Variants in CWC27 observed in about 807,000 individuals in gnomAD.
CWC27 encodes spliceosome-associated protein CWC27 homolog.
In CWC27, 47 loss-of-function variants were observed where a neutral mutation model predicts 63.6. The ratio of observed to expected loss-of-function variants is 0.74; its 90% CI spans 0.58 to 0.94. CWC27 has a LOEUF of 0.94. Ranked by LOEUF, CWC27 falls within the 40% of genes least tolerant of loss-of-function variation. CWC27 has a pLI of 0.00. For missense variants in CWC27, 495 were observed against 554.3 expected, an observed-to-expected ratio of 0.89 and a Z score of 1.07; for synonymous variants, 175 against 179.8, an observed-to-expected ratio of 0.97 and a Z score of 0.22.
chr5:64,861,950 A>G (rs1561438323), intron 10 of CWC27, among the ~76,000 whole-genome samples: 1 of 152,218 alleles, frequency 6.6e-6, no homozygotes. Flanking sequence ...ACATAGATAC[A>G]TGTATTTATC....
chr5:65,000,639 T>G (rs1456114973), intron 13 of CWC27, among the ~76,000 whole-genome samples: 1 of 152,134 alleles, frequency 6.6e-6, no homozygotes, highest in Non-Finnish European at 1.5e-5. Context: ...TGGCTGTACA[T>G]ATGTGCATTT....
chr5:64,860,999 G>A (rs941868743), intron 10 of CWC27, among the ~76,000 whole-genome samples: 4 of 152,106 alleles, frequency 2.6e-5, no homozygotes, highest in African/African-American at 7.2e-5. Flanking sequence ...ATAATGTTCT[G>A]CAATATCTGG....
At chr5:64,983,317 G>A (rs1749361643) in intron 13 of CWC27, among the ~76,000 whole-genome samples, 1 of 152,116 alleles carries the variant, frequency 6.6e-6, no homozygotes, top group South Asian at 2.1e-4. Flanking sequence ...GGCATGATAG[G>A]AGCATATCTG....
intron 11 of CWC27, among the ~76,000 whole-genome samples, chr5:64,914,272 TAAG>T (rs1246645378): frequency 1.3e-5 from 2 of 152,074 alleles, no homozygotes; most frequent in East Asian, 1.9e-4. Context: ...GATTAAGATA[TAAG>T]AAGAAGTAAT....
At chr5:64,813,330 C>T (rs922088596) in intron 10 of CWC27, among the ~76,000 whole-genome samples, 5 of 152,088 alleles carry the variant, frequency 3.3e-5, no homozygotes, top group African/African-American at 1.2e-4. Context: ...TTTTAAAGTG[C>T]CTATTCAGTT....
chr5:64,906,752 A>G (rs1747651576), intron 11 of CWC27, among the ~76,000 whole-genome samples: 1 of 152,210 alleles, frequency 6.6e-6, no homozygotes, highest in Non-Finnish European at 1.5e-5. Context: ...ACCCACGCCT[A>G]TGTCCTGAAT....
intron 13 of CWC27, among the ~76,000 whole-genome samples, chr5:64,993,981 A>G (rs1054954777): frequency 1.3e-5 from 2 of 152,226 alleles, no homozygotes; most frequent in Non-Finnish European, 2.9e-5. Context: ...CATAATTTCT[A>G]CATAGTTGTC....
chr5:64,984,146 A>G (rs1366743479), intron 13 of CWC27, among the ~76,000 whole-genome samples: 1 of 152,058 alleles, frequency 6.6e-6, no homozygotes, highest in Non-Finnish European at 1.5e-5. Context: ...AGTTGTTTTC[A>G]TTCTTATATT....
chr5:65,016,471 A>G (rs1449162073), intron 13 of CWC27, among the ~76,000 whole-genome samples: 2 of 152,084 alleles, frequency 1.3e-5, no homozygotes, highest in Non-Finnish European at 2.9e-5. Flanking sequence ...TCTCATCTCA[A>G]AAATAATAAT....
intron 10 of CWC27, among the ~76,000 whole-genome samples, chr5:64,848,492 C>T (rs1365775362): frequency 6.6e-6 from 1 of 152,164 alleles, no homozygotes; most frequent in Non-Finnish European, 1.5e-5. Flanking sequence ...TTTTATGAGT[C>T]CAGCATTGCT....
chr5:64,776,897 T>TA (rs917477085), intron 2 of CWC27, among the ~76,000 whole-genome samples: 4 of 152,110 alleles, frequency 2.6e-5, no homozygotes, highest in African/African-American at 4.8e-5. Flanking sequence ...TTATAGCCTT[T>TA]AAAAAACCAA....
intron 11 of CWC27, among the ~76,000 whole-genome samples, chr5:64,913,446 C>G (rs1025437970): frequency 6.6e-5 from 10 of 151,876 alleles, no homozygotes; most frequent in African/African-American, 2.4e-4. Flanking sequence ...TGCTCAGGTA[C>G]AATTATGTAC....
intron 11 of CWC27, among the ~76,000 whole-genome samples, chr5:64,906,349 A>G (rs1747640923): frequency 6.6e-6 from 1 of 152,160 alleles, no homozygotes; most frequent in African/African-American, 2.4e-5. Flanking sequence ...CTGACCTTTT[A>G]ACGATTGCCA....
chr5:64,958,329 T>G (rs1262024216), intron 11 of CWC27, among the ~76,000 whole-genome samples: 1 of 152,150 alleles, frequency 6.6e-6, no homozygotes, highest in African/African-American at 2.4e-5. Flanking sequence ...AACGAGACAC[T>G]GGCTTCTCGT....
At chr5:64,921,010 CTT>C (rs949025454) in intron 11 of CWC27, among the ~76,000 whole-genome samples, 1 of 152,004 alleles carries the variant, frequency 6.6e-6, no homozygotes, top group African/African-American at 2.4e-5. Flanking sequence ...TTGGTTTGCT[CTT>C]GTTTCTCTAG....
At chr5:64,877,182 A>T (rs957214524) in intron 10 of CWC27, among the ~76,000 whole-genome samples, 2 of 152,102 alleles carry the variant, frequency 1.3e-5, no homozygotes, top group African/African-American at 4.8e-5. Context: ...TCATTGGATG[A>T]ATGGAAAAAG....
chr5:64,928,331 CA>C (rs1161024267), intron 11 of CWC27, among the ~76,000 whole-genome samples: 3 of 152,128 alleles, frequency 2.0e-5, no homozygotes, highest in Admixed American at 6.5e-5. Flanking sequence ...CAGAAATAAA[CA>C]GTTGAAAACT....
At chr5:64,911,627 G>A (rs946506761) in intron 11 of CWC27, among the ~76,000 whole-genome samples, 1 of 152,316 alleles carries the variant, frequency 6.6e-6, no homozygotes, top group African/African-American at 2.4e-5. Flanking sequence ...ATAGTGGTGA[G>A]TCTAAAAGGT....
rs1408342436 is a variant in CWC27 at position 64,831,521 on chromosome 5, CATAG to C, written c.938+27143_938+27146del. Among the ~76,000 whole-genome samples the C allele has an allele frequency of 4.2e-3, 587 of 139,088 alleles. 2 individuals are homozygous for C. Among genetic ancestry groups the C allele is most frequent in the African/African-American group, 0.014 (545 of 38,314 alleles). 91.2% of individuals were successfully genotyped at this position (139,088 alleles called of 152,430 possible). On this transcript the variant is annotated intron_variant, in intron 10 of 13. Transcript: ENST00000381070. Reference sequence around the variant, plus strand: ...AGATAGATAGATAGATAGACAGACACATAGATAGATATGGATATAGATATAGATA... The same window carrying C: ...AGATAGATAGATAGATAGACAGACACATAGATATGGATATAGATATAGATA...
Sources: gnomAD v4.1 joint callset for allele counts (sites outside exome capture counted in the v4.1 genomes callset) on GRCh38, gnomAD v4.1.1 for gene constraint, MANE v1.5 for transcripts, NCBI Gene and HGNC (gene_info 2026-07-23, HGNC 2026-07-21) for gene names.